The following CDC73 variants were observed in gnomAD, a reference collection of about 807,000 sequenced individuals.
CDC73 encodes parafibromin.
Under a neutral mutation model 83.7 loss-of-function variants are expected in CDC73, and 21 were observed. That is an observed-to-expected ratio of 0.25 (90% CI 0.18 to 0.36). The LOEUF is 0.36. CDC73 is among the 10% of genes least tolerant of loss of function. The probability of loss-of-function intolerance (pLI) is 1.00; values close to 1 mark genes in which losing one functional copy is unlikely to be tolerated. For synonymous variants in CDC73, 224 were observed against 212.9 expected, an observed-to-expected ratio of 1.05 and a Z score of -0.45; for missense variants, 342 against 653.3, an observed-to-expected ratio of 0.52 and a Z score of 5.19.
intron 10 of CDC73, among the ~76,000 whole-genome samples, chr1:193,190,136 A>AT (rs1202849799): frequency 2.6e-5 from 4 of 152,174 alleles, no homozygotes; most frequent in Non-Finnish European, 5.9e-5. Flanking sequence ...AATACCAGCT[A>AT]TTTTTTCCCA....
intron 3 of CDC73, among the ~76,000 whole-genome samples, chr1:193,133,503 A>G (rs1675731623): frequency 6.6e-6 from 1 of 152,180 alleles, no homozygotes; most frequent in Non-Finnish European, 1.5e-5. Context: ...GAGAACTTAA[A>G]ACCCTGATAA....
rs1227408377 is a variant in CDC73, at chr1:193,253,993, TTTA to T, written c.*3283_*3285del. The T allele has an allele frequency of 9.0e-6, 2 of 222,510 alleles. No homozygotes were observed. The highest frequency in any genetic ancestry group is 5.7e-5 in the Admixed American group (1 of 17,422). 13.8% of individuals were successfully genotyped at this position (222,510 alleles called of 1,614,324 possible). A position where few individuals can be genotyped will look rare whatever the true frequency, so the allele number is the denominator to read the frequency against. On this transcript the variant is annotated 3_prime_UTR_variant, in exon 17 of 17. Transcript: ENST00000367435. The stretch of plus-strand genomic sequence containing the variant: ...AAATTTTTTGAGACTAGCAGTATAT[TTTA>T]TAATATTACAAATACAACAATTATT...
intron 13 of CDC73, among the ~76,000 whole-genome samples, chr1:193,216,664 A>AGT (rs1240362185): frequency 2.0e-4 from 31 of 152,242 alleles, no homozygotes; most frequent in African/African-American, 7.2e-4. Flanking sequence ...CCTGCTGGCC[A>AGT]GTATCCCTGA....
chr1:193,188,577 C>T (rs979631760), intron 10 of CDC73, among the ~76,000 whole-genome samples: 4 of 152,010 alleles, frequency 2.6e-5, no homozygotes, highest in African/African-American at 4.8e-5. Context: ...TGCATTTAGG[C>T]ATAGCTTATT....
chr1:193,204,269 GTGTGTGTGTATATA>G (rs1409629417), intron 11 of CDC73, among the ~76,000 whole-genome samples: 1 of 132,360 alleles, frequency 7.6e-6, no homozygotes, highest in African/African-American at 2.8e-5. Context: ...GTGTGTGTGT[GTGTGTGTGTATATA>G]TATATTTTTT....
At chr1:193,167,592 A>G (rs1421120535) in intron 10 of CDC73, among the ~76,000 whole-genome samples, 1 of 152,148 alleles carries the variant, frequency 6.6e-6, no homozygotes, top group Non-Finnish European at 1.5e-5. Context: ...TTAATTAACC[A>G]TAGATTAACC....
chr1:193,147,130 C>G (rs1046806295), intron 7 of CDC73, among the ~76,000 whole-genome samples: 10 of 151,728 alleles, frequency 6.6e-5, no homozygotes, highest in African/African-American at 2.4e-4. Context: ...GTAGCTGACA[C>G]TATAGGTGTC....
intron 10 of CDC73, among the ~76,000 whole-genome samples, chr1:193,187,359 G>A (rs1676832599): frequency 6.6e-6 from 1 of 151,892 alleles, no homozygotes; most frequent in Non-Finnish European, 1.5e-5. Context: ...AGGATCTGGG[G>A]GTAATGAGAT....
chr1:193,159,777 A>G (rs1315335217), intron 10 of CDC73, among the ~76,000 whole-genome samples: 1 of 152,082 alleles, frequency 6.6e-6, no homozygotes, highest in African/African-American at 2.4e-5. Context: ...ATACAGATAT[A>G]CTCTTTTTCT....
Position 193,125,245 on chromosome 1 carries a change from T to G in CDC73, c.237+28T>G, listed in dbSNP as rs4466634. 4.0e-6 allele frequency: 5 copies of G among 1,234,702 alleles called. No homozygotes were observed. The African/African-American group carries it at 4.5e-5, about 11-fold the overall frequency. 76.5% of individuals were successfully genotyped at this position (1,234,702 alleles called of 1,614,324 possible). ...AAGTAGAATTCATTTTACTTATCTA[T>G]CTATTTATCAGTTTTATTTTTATTT... On this transcript the variant is annotated intron_variant, in intron 2 of 16. Transcript: ENST00000367435.
At chr1:193,232,457 TACACACACACACAC>T (rs142845942) in intron 13 of CDC73, among the ~76,000 whole-genome samples, 2 of 150,364 alleles carry the variant, frequency 1.3e-5, no homozygotes, top group East Asian at 3.9e-4. Context: ...TACACACACA[TACACACACACACAC>T]ACACCCAACT....
At chr1:193,180,473 A>G in intron 10 of CDC73, 1 of 1,614,080 alleles carries the variant, frequency 6.2e-7, no homozygotes, top group Non-Finnish European at 8.5e-7. Context: ...CAGTGATTGA[A>G]CACAAACTCA....
chr1:193,164,474 G>A (rs1056997177), intron 10 of CDC73, among the ~76,000 whole-genome samples: 4 of 152,082 alleles, frequency 2.6e-5, no homozygotes, highest in South Asian at 2.1e-4. Flanking sequence ...TTATTAATTT[G>A]CAGTGATAAA....
intron 11 of CDC73, among the ~76,000 whole-genome samples, chr1:193,210,025 A>G (rs1196968889): frequency 4.6e-5 from 7 of 152,170 alleles, no homozygotes; most frequent in Non-Finnish European, 7.4e-5. Flanking sequence ...TATATTCCAC[A>G]TGACACTATG....
intron 10 of CDC73, among the ~76,000 whole-genome samples, chr1:193,173,382 T>C (rs1022424193): frequency 3.3e-5 from 5 of 152,186 alleles, no homozygotes; most frequent in South Asian, 4.1e-4. Flanking sequence ...TCCTTTTTTT[T>C]CTAAAGTATT....
chr1:193,219,723 G>T (rs191724657), intron 13 of CDC73, among the ~76,000 whole-genome samples: 123 of 152,248 alleles, frequency 8.1e-4, no homozygotes, highest in Non-Finnish European at 1.5e-3. Flanking sequence ...AGACACCAGG[G>T]CCTACTTGAG....
At chr1:193,242,187 T>A (rs1452416860) in intron 15 of CDC73, among the ~76,000 whole-genome samples, 1 of 151,520 alleles carries the variant, frequency 6.6e-6, no homozygotes, top group Non-Finnish European at 1.5e-5. Flanking sequence ...GGATGCAGTC[T>A]GGTGGGGGCC....
intron 10 of CDC73, among the ~76,000 whole-genome samples, chr1:193,165,608 T>C (rs756464572): frequency 3.3e-5 from 5 of 152,272 alleles, no homozygotes; most frequent in African/African-American, 1.2e-4. Context: ...AAGTTTTGTT[T>C]ACATTTTACT....
intron 13 of CDC73, among the ~76,000 whole-genome samples, chr1:193,226,820 T>C (rs1040204545): frequency 1.6e-4 from 25 of 152,132 alleles, no homozygotes; most frequent in African/African-American, 4.6e-4. Context: ...TCTTAGGGTA[T>C]TACAGGCTTC....
Sources: gnomAD v4.1 joint callset for allele counts (sites outside exome capture counted in the v4.1 genomes callset) on GRCh38, gnomAD v4.1.1 for gene constraint, MANE v1.5 for transcripts, NCBI Gene and HGNC (gene_info 2026-07-23, HGNC 2026-07-21) for gene names.